The following ADD3 variants were observed in gnomAD, a reference collection of about 807,000 sequenced individuals.
ADD3 encodes the protein gamma-adducin.
A neutral mutation model predicts 80.2 loss-of-function variants in ADD3; 25 were observed. The ratio of observed to expected loss-of-function variants is 0.31; its 90% CI spans 0.23 to 0.44. The LOEUF (loss-of-function observed/expected upper bound fraction) is 0.44, where lower values mean the gene tolerates loss of function less well. ADD3 is among the 20% of genes least tolerant of loss of function. The probability of loss-of-function intolerance (pLI) is 1.00; values close to 1 mark genes in which losing one functional copy is unlikely to be tolerated. For synonymous variants in ADD3, 284 were observed against 289.6 expected (o/e 0.98, Z 0.20); for missense variants, 829 against 847.5 (o/e 0.98, Z 0.27).
upstream of ADD3, among the ~76,000 whole-genome samples, chr10:110,004,647 A>C (rs193177386): frequency 5.2e-4 from 79 of 152,064 alleles, no homozygotes; most frequent in Middle Eastern, 3.4e-3. Context: ...CTCACTTTAC[A>C]AAATAGGGAA....
chr10:110,082,439 T>C lies in ADD3; in HGVS notation c.-29-18186T>C, dbSNP rs115382854. 7.3e-3 allele frequency among the ~76,000 whole-genome samples: 1,112 copies of C among 152,334 alleles called. 12 individuals are homozygous for C. Among genetic ancestry groups the C allele is most frequent in the African/African-American group, 0.025 (1,059 of 41,570 alleles). On this transcript the variant is annotated intron_variant, in intron 1 of 14. Transcript: ENST00000356080. ...ACATACCTTTTGGGTATGAAAAATGTCCATTTAAAGACCTATTTTGAGTTT... is the reference window on the plus strand; with the variant it reads ...ACATACCTTTTGGGTATGAAAAATGCCCATTTAAAGACCTATTTTGAGTTT...
chr10:110,116,305 A>G lies in ADD3; in HGVS notation c.381A>G (p.Thr127=). The change falls in exon 4 of 15, where the codon ACA becomes ACG. Residue 127 remains threonine (T), a synonymous_variant. Transcript: ENST00000356080. ...TCAATGACCTTCCTGGTGCAGATAC[A>G]TCCTCATATGTGAAGGGAGAAAAAC... ...TPINDLPGAD[T]SSYVKGEKLT... is the part of the protein sequence containing the mutation. 6.2e-7 allele frequency: 1 copy of G among 1,614,130 alleles called. No homozygotes were observed. The highest frequency in any genetic ancestry group is 8.5e-7 in the Non-Finnish European group (1 of 1,179,988).
At chr10:110,013,027 G>C (rs1852513979) in intron 1 of ADD3, among the ~76,000 whole-genome samples, 1 of 152,004 alleles carries the variant, frequency 6.6e-6, no homozygotes, top group South Asian at 2.1e-4. Context: ...AGATTGGTTT[G>C]TATACGGTAC....
intron 1 of ADD3, among the ~76,000 whole-genome samples, chr10:110,051,407 C>T (rs1412072222): frequency 6.6e-6 from 1 of 152,070 alleles, no homozygotes; most frequent in Non-Finnish European, 1.5e-5. Context: ...TACAGTGGTT[C>T]CTCCAAAAGT....
chr10:110,026,258 A>G (rs1027618377), intron 1 of ADD3, among the ~76,000 whole-genome samples: 4 of 151,394 alleles, frequency 2.6e-5, no homozygotes, highest in Admixed American at 2.0e-4. Flanking sequence ...AATAGATTAT[A>G]GAACTTATGA....
chr10:110,090,473 G>A (rs568952868), intron 1 of ADD3, among the ~76,000 whole-genome samples: 1 of 152,204 alleles, frequency 6.6e-6, no homozygotes, highest in African/African-American at 2.4e-5. Flanking sequence ...CGCCTACCTT[G>A]GCCTTCCAAA....
chr10:110,021,451 A>G (rs1853661445), intron 1 of ADD3, among the ~76,000 whole-genome samples: 2 of 152,222 alleles, frequency 1.3e-5, no homozygotes, highest in African/African-American at 4.8e-5. Context: ...TAGCCCAAAA[A>G]TGGAAACAAC....
intron 1 of ADD3, among the ~76,000 whole-genome samples, chr10:110,048,099 G>A (rs1213258693): frequency 6.6e-6 from 1 of 152,118 alleles, no homozygotes; most frequent in Non-Finnish European, 1.5e-5. Flanking sequence ...TCCTGTTCTT[G>A]TGGTTGTCCT....
In ADD3 at chr10:110,118,709, A is replaced by G; in HGVS notation, c.690A>G (p.Ile230Met). Reference sequence around the variant, plus strand: ...CACGTCCTGATGTTAAGTGTGTGATACACATCCATACCCTTGCAACAGCAG... The same window carrying G: ...CACGTCCTGATGTTAAGTGTGTGATGCACATCCATACCCTTGCAACAGCAG... Reference protein sequence around the residue: ...YSTRPDVKCVIHIHTLATAAV... With the variant: ...YSTRPDVKCVMHIHTLATAAV... The change falls in exon 6 of 15, where the codon ATA becomes ATG. Residue 230 changes from isoleucine (I) to methionine (M), a missense_variant. Ile to Met is a conservative substitution (Grantham distance 10). Transcript: ENST00000356080. 1 of 1,614,134 alleles carries G rather than the reference A, an allele frequency of 6.2e-7. No homozygotes were observed. Among genetic ancestry groups the G allele is most frequent in the Non-Finnish European group, 8.5e-7 (1 of 1,180,000 alleles).
At position 110,062,129 on chromosome 10, in the gene ADD3, G is replaced by A. The variant is rs531067822; in HGVS notation, c.-29-38496G>A. 8.4e-5 allele frequency among the ~76,000 whole-genome samples: 12 copies of A among 143,580 alleles called. No individual in the cohort carries two copies. In the South Asian group the frequency reaches 1.6e-3, roughly 19 times the overall value. 94.2% of individuals were successfully genotyped at this position (143,580 alleles called of 152,430 possible). On this transcript the variant is annotated intron_variant, in intron 1 of 14. Transcript: ENST00000356080. ...TGTAATCCCAGCACTTTGGGAGGCC[G>A]AGGCAGGCGTATCACCTGAGGTCGG...
At chr10:110,118,774 A>G in intron 6 of ADD3, 38 bp downstream of exon 6, 1 of 1,594,454 alleles carries the variant, frequency 6.3e-7, no homozygotes, top group Non-Finnish European at 8.6e-7. Context: ...AGGACGCTGG[A>G]AGATGTATTA....
chr10:110,055,453 C>T (rs1858064904), intron 1 of ADD3, among the ~76,000 whole-genome samples: 1 of 152,130 alleles, frequency 6.6e-6, no homozygotes, highest in South Asian at 2.1e-4. Context: ...ATATGGGTTG[C>T]TGAGTTTCAC....
At chr10:110,061,663 T>C (rs1233682517) in intron 1 of ADD3, among the ~76,000 whole-genome samples, 1 of 152,196 alleles carries the variant, frequency 6.6e-6, no homozygotes, top group Non-Finnish European at 1.5e-5. Flanking sequence ...GCTTTTCTTT[T>C]GTATTGCTGT....
At chr10:110,061,310 A>T (rs183495988) in intron 1 of ADD3, among the ~76,000 whole-genome samples, 36 of 152,254 alleles carry the variant, frequency 2.4e-4, no homozygotes, top group African/African-American at 8.7e-4. Flanking sequence ...TTACTGAATG[A>T]CAGTTTTATT....
At chr10:110,016,066 C>T (rs1341613878) in intron 1 of ADD3, among the ~76,000 whole-genome samples, 2 of 152,178 alleles carry the variant, frequency 1.3e-5, no homozygotes, top group Non-Finnish European at 1.5e-5. Context: ...CTTGACCAGT[C>T]AGCATTTCAG....
Position 110,132,298 on chromosome 10 carries a change from C to T in ADD3, c.1733-7C>T. On this transcript the variant is annotated splice_polypyrimidine_tract_variant and splice_region_variant and intron_variant, in intron 13 of 14. Coordinates refer to ENST00000356080, the MANE Select transcript of ADD3 (RefSeq NM_016824.5). ...GCATGGCTTTTAACTAAACTCTTAT[C>T]CAACAGATGCTGAGCAGGAATTACT... 6.2e-7 allele frequency: 1 copy of T among 1,607,496 alleles called. No individual in the cohort carries two copies.
chr10:110,112,706 AT>A, intron 2 of ADD3, 70 bp from the exon 3 acceptor site: 1 of 1,524,380 alleles, frequency 6.6e-7, no homozygotes, highest in Non-Finnish European at 8.8e-7. Flanking sequence ...GTAAAGATTG[AT>A]TGTATCGGAA....
At chr10:110,034,721 C>A (rs1050452326) in intron 1 of ADD3, among the ~76,000 whole-genome samples, 1 of 152,106 alleles carries the variant, frequency 6.6e-6, no homozygotes, top group Non-Finnish European at 1.5e-5. Context: ...TTAAACATTT[C>A]TTTGCTTTCC....
chr10:110,021,598 A>G (rs1853681945), intron 1 of ADD3, among the ~76,000 whole-genome samples: 1 of 152,234 alleles, frequency 6.6e-6, no homozygotes, highest in African/African-American at 2.4e-5. Context: ...TAAGTAAAAA[A>G]GCCAGATACA....
Sources: gnomAD v4.1 joint callset for allele counts (sites outside exome capture counted in the v4.1 genomes callset) on GRCh38, gnomAD v4.1.1 for gene constraint, MANE v1.5 for transcripts, NCBI Gene and HGNC (gene_info 2026-07-23, HGNC 2026-07-21) for gene names.